Variants in TAS2R1 observed in about 807,000 individuals in gnomAD.
The protein encoded by TAS2R1 is taste 2 receptor member 1.
For missense variants in TAS2R1, 370 were observed against 353.4 expected, an observed-to-expected ratio of 1.05 and a Z score of -0.38; for synonymous variants, 141 against 134.2, an observed-to-expected ratio of 1.05 and a Z score of -0.35.
At chr5:9,802,196 T>C in the TAS2R1 span, among the ~76,000 whole-genome samples, 3 of 152,194 alleles carry the variant, frequency 2.0e-5, no homozygotes, top group South Asian at 2.1e-4. Flanking sequence ...GCTACCTTCA[T>C]GGGAGCAGGT....
the TAS2R1 span, among the ~76,000 whole-genome samples, chr5:9,727,540 C>T: frequency 6.6e-6 from 1 of 152,114 alleles, no homozygotes; most frequent in Non-Finnish European, 1.5e-5. Flanking sequence ...ACTCCTACCA[C>T]CCAGGAAAGA....
At chr5:9,851,518 G>GT in the TAS2R1 span, among the ~76,000 whole-genome samples, 4,342 of 139,360 alleles carry the variant, frequency 0.031, 119 homozygotes, top group African/African-American at 0.081. Context: ...GCTGGGATTT[G>GT]TTTTTTTTTT....
At chr5:9,686,154 C>T (rs151153080) in intron 1 of TAS2R1, among the ~76,000 whole-genome samples, 4,274 of 152,238 alleles carry the variant, frequency 0.028, 71 homozygotes, top group Middle Eastern at 0.051. Context: ...CGTGTGCCAC[C>T]GCGCCTGACC....
chr5:9,868,855 G>C, the TAS2R1 span, among the ~76,000 whole-genome samples: 2 of 152,086 alleles, frequency 1.3e-5, no homozygotes, highest in African/African-American at 4.8e-5. Context: ...AGATCTCTAG[G>C]GCAGGGGCAA....
At chr5:9,643,687 G>A (rs1740129568) in intron 2 of TAS2R1, among the ~76,000 whole-genome samples, 1 of 152,180 alleles carries the variant, frequency 6.6e-6, no homozygotes, top group Non-Finnish European at 1.5e-5. Context: ...AACCACCATT[G>A]TATATGCAGT....
At chr5:9,716,895 C>T (rs925520673), upstream of TAS2R1, among the ~76,000 whole-genome samples, 7 of 152,086 alleles carry the variant, frequency 4.6e-5, no homozygotes, top group Non-Finnish European at 8.8e-5. Flanking sequence ...ACCAGCCATA[C>T]GATCGATACG....
chr5:9,846,131 A>G, the TAS2R1 span, among the ~76,000 whole-genome samples: 1 of 152,266 alleles, frequency 6.6e-6, no homozygotes, highest in African/African-American at 2.4e-5. Flanking sequence ...ATTTATATAA[A>G]CCAAGAAAGC....
intron 1 of TAS2R1, among the ~76,000 whole-genome samples, chr5:9,664,277 G>A (rs1411361802): frequency 2.6e-5 from 4 of 152,260 alleles, no homozygotes; most frequent in Non-Finnish European, 4.4e-5. Flanking sequence ...CTGCAGAAAA[G>A]CAGAGGTTGT....
chr5:9,803,863 G>A, the TAS2R1 span, among the ~76,000 whole-genome samples: 4 of 152,140 alleles, frequency 2.6e-5, no homozygotes, highest in African/African-American at 9.7e-5. Flanking sequence ...CAAATAGCAT[G>A]ATGAGTAGAA....
chr5:9,865,917 G>A, the TAS2R1 span, among the ~76,000 whole-genome samples: 183 of 152,292 alleles, frequency 1.2e-3, no homozygotes, highest in African/African-American at 4.2e-3. Flanking sequence ...CATAGGCCAT[G>A]ATTTTGAGTC....
the TAS2R1 span, among the ~76,000 whole-genome samples, chr5:9,855,174 C>A: frequency 6.6e-6 from 1 of 152,090 alleles, no homozygotes; most frequent in South Asian, 2.1e-4. Flanking sequence ...TCAGGGAGTC[C>A]CTCACATAGG....
the TAS2R1 span, among the ~76,000 whole-genome samples, chr5:9,887,661 CATGT>C: frequency 6.6e-6 from 1 of 152,164 alleles, no homozygotes; most frequent in Non-Finnish European, 1.5e-5. Flanking sequence ...CCACATTTAC[CATGT>C]GCTTGTTACC....
At chr5:9,854,944 T>C in the TAS2R1 span, among the ~76,000 whole-genome samples, 1 of 152,210 alleles carries the variant, frequency 6.6e-6, no homozygotes, top group Non-Finnish European at 1.5e-5. Context: ...GTTCTGCTAG[T>C]ACAACTCTGA....
chr5:9,863,990 T>C, the TAS2R1 span, among the ~76,000 whole-genome samples: 1 of 152,226 alleles, frequency 6.6e-6, no homozygotes, highest in South Asian at 2.1e-4. Flanking sequence ...TTAGAAAATA[T>C]GACCTAGAGC....
At chr5:9,844,143 T>C in the TAS2R1 span, among the ~76,000 whole-genome samples, 1 of 152,122 alleles carries the variant, frequency 6.6e-6, no homozygotes, top group Non-Finnish European at 1.5e-5. Context: ...CTACCCACAC[T>C]CAAGGAAAGG....
rs111990914 is a variant in TAS2R1 at position 9,709,959 on chromosome 5, C to T, written c.-242+2213G>A. ...GTCTTGGTTAAAACCCATAAATGGT[C>T]TCTACCACTTACAGCAGAGGACCTG... On this transcript the variant is annotated intron_variant, in intron 1 of 2. Coordinates refer to the TAS2R1 transcript ENST00000506620. Among the ~76,000 whole-genome samples, 29 of 152,374 alleles carry T rather than the reference C, an allele frequency of 1.9e-4. No individual in the cohort carries two copies. In the East Asian group the frequency reaches 5.2e-3, roughly 27 times the overall value.
chr5:9,884,743 T>C, the TAS2R1 span, among the ~76,000 whole-genome samples: 1 of 152,230 alleles, frequency 6.6e-6, no homozygotes, highest in African/African-American at 2.4e-5. Flanking sequence ...AACACTAATT[T>C]ATTCCTCTCA....
At chr5:9,900,845 G>C in the TAS2R1 span, among the ~76,000 whole-genome samples, 2 of 151,918 alleles carry the variant, frequency 1.3e-5, no homozygotes, top group African/African-American at 2.4e-5. Flanking sequence ...GGATGGTCTC[G>C]ATCTCCTGAC....
intron 2 of TAS2R1, chr5:9,641,443 GCA>G (rs756410930): frequency 6.6e-6 from 1 of 152,104 alleles, no homozygotes; most frequent in African/African-American, 2.4e-5. Context: ...TCTTCCATGG[GCA>G]CACACAGAGT....
Sources: gnomAD v4.1 joint callset for allele counts (sites outside exome capture counted in the v4.1 genomes callset) on GRCh38, gnomAD v4.1.1 for gene constraint, MANE v1.5 for transcripts, NCBI Gene and HGNC (gene_info 2026-07-23, HGNC 2026-07-21) for gene names.